Variants in INTS3 observed in about 807,000 individuals in gnomAD.
INTS3 encodes SOSS complex subunit A.
INTS3 carries 34 observed loss-of-function variants against 146.3 expected under a neutral mutation model. The ratio of observed to expected loss-of-function variants is 0.23; its 90% CI spans 0.18 to 0.31. INTS3 has a LOEUF of 0.31. Among genes scored for constraint, INTS3 ranks in the 10% least tolerant of loss-of-function variants. The pLI, the probability that INTS3 is intolerant of heterozygous loss-of-function variation, is 1.00. For missense variants in INTS3, 757 were observed against 1,304.2 expected, an observed-to-expected ratio of 0.58 and a Z score of 6.46; for synonymous variants, 475 against 494.9, an observed-to-expected ratio of 0.96 and a Z score of 0.53.
intron 1 of INTS3, among the ~76,000 whole-genome samples, chr1:153,737,648 G>A (rs555432347): frequency 1.3e-5 from 2 of 152,106 alleles, no homozygotes; most frequent in African/African-American, 2.4e-5. Context: ...ACAGGTGCGC[G>A]CCACCACACC....
chr1:153,768,108 C>G (rs1348823918), intron 21 of INTS3, among the ~76,000 whole-genome samples: 1 of 152,174 alleles, frequency 6.6e-6, no homozygotes, highest in Non-Finnish European at 1.5e-5. Context: ...TCATCTGGAC[C>G]CAGGACAGAT....
Position 153,728,115 on chromosome 1 carries a change from C to G in INTS3, c.-520C>G, listed in dbSNP as rs930219804. On this transcript the variant is annotated 5_prime_UTR_variant, in exon 1 of 30. Transcript: ENST00000318967. ...GTGGTGTGGGGAGACGCTGGTCCTC[C>G]CCGTCCTCCCATAGCGCTTATTGCC... 5 of 383,074 alleles carry G rather than the reference C, an allele frequency of 1.3e-5. No homozygotes were observed. Among genetic ancestry groups the G allele is most frequent in the East Asian group, 7.5e-5 (2 of 26,720 alleles). The allele number at this position is 383,074 out of a possible 1,614,324, so 23.7% of individuals were successfully genotyped here. A position where few individuals can be genotyped will look rare whatever the true frequency, so the allele number is the denominator to read the frequency against.
chr1:153,744,787 A>G (rs1166930668), intron 3 of INTS3, among the ~76,000 whole-genome samples: 2 of 152,204 alleles, frequency 1.3e-5, no homozygotes, highest in Non-Finnish European at 2.9e-5. Context: ...CTGTAATCCC[A>G]GTGTTTTGGG....
In INTS3 at chr1:153,728,736, G is replaced by A; in HGVS notation, c.102G>A (p.Gly34=). ...CGGGAGCAGGAGCCCCAGGAGGGGG[G>A]AGGCTGCTACTTTCAACCAGTTTGG... ...GGAGAGAPGG[G]RLLLSTSLDA... Residue 34 remains glycine, a synonymous_variant, in exon 1 of 30, where the codon GGG becomes GGA. Transcript: ENST00000318967. 1.9e-6 allele frequency: 3 copies of A among 1,610,556 alleles called. No homozygotes were observed. The highest frequency in any genetic ancestry group is 2.5e-6 in the Non-Finnish European group (3 of 1,178,306).
At chr1:153,736,726 G>A (rs1557988337) in intron 1 of INTS3, among the ~76,000 whole-genome samples, 1 of 148,052 alleles carries the variant, frequency 6.8e-6, no homozygotes, top group Non-Finnish European at 1.5e-5. Flanking sequence ...GATTACAGGC[G>A]TGAGCCACCG....
Position 153,772,731 on chromosome 1 carries a change from G to C in INTS3, c.2894+20G>C, listed in dbSNP as rs375226525. ...GATGAAGTGAGGCTCCTGCCACTTT[G>C]GGCCTTGGAAAGTAGTAGGGGAAAA... On this transcript the variant is annotated intron_variant, in intron 28 of 29. Transcript: ENST00000318967. The surrounding 1 kb of genome is among the most constrained non-coding windows in gnomAD (Gnocchi z 4.6). 4.3e-6 allele frequency: 7 copies of C among 1,611,428 alleles called. No individual in the cohort carries two copies. The African/African-American group carries it at 8.0e-5, about 18-fold the overall frequency.
At chr1:153,747,389 G>A in intron 5 of INTS3, 26 bp downstream of exon 5, 1 of 1,558,660 alleles carries the variant, frequency 6.4e-7, no homozygotes, top group Admixed American at 1.7e-5. Context: ...GGAGCATAAA[G>A]AAGAAAGGAG....
intron 10 of INTS3, among the ~76,000 whole-genome samples, chr1:153,758,934 C>T (rs1457503598): frequency 2.0e-5 from 3 of 152,066 alleles, no homozygotes; most frequent in Non-Finnish European, 4.4e-5. Flanking sequence ...ATGGCAAAAC[C>T]CATCTCTACC....
chr1:153,754,675 G>A lies in INTS3; in HGVS notation c.893G>A (p.Arg298Gln), dbSNP rs2101807937. The change falls in exon 9 of 30, where the codon CGA becomes CAA. Residue 298 changes from arginine (R) to glutamine (Q), a missense_variant. Physicochemically the swap from Arg to Gln is conservative, Grantham distance 43. Transcript: ENST00000318967. The stretch of plus-strand genomic sequence containing the variant: ...CAGCTTCTTCAGTCAAGAACATCCC[G>A]AAAATTCCTAGCATGTCGTCTAACC... ...ILQLLQSRTS[R>Q]KFLACRLTPD... 1 of 1,613,388 alleles carries A rather than the reference G, an allele frequency of 6.2e-7. No individual in the cohort carries two copies. The highest frequency in any genetic ancestry group is 8.5e-7 in the Non-Finnish European group (1 of 1,179,376).
chr1:153,764,108 C>T lies in INTS3; in HGVS notation c.1822-10C>T. On this transcript the variant is annotated splice_polypyrimidine_tract_variant and intron_variant, in intron 17 of 29. Coordinates refer to ENST00000318967, the MANE Select transcript of INTS3 (RefSeq NM_023015.5). ...GGTAGTGACTCTCCCTCCCTTGTCT[C>T]ATCACCCAGGAAGACTTTGACTCGG... 1 of 1,609,824 alleles carries T rather than the reference C, an allele frequency of 6.2e-7. No homozygotes were observed. The highest frequency in any genetic ancestry group is 8.5e-7 in the Non-Finnish European group (1 of 1,176,176).
intron 12 of INTS3, 97 bp downstream of exon 12, chr1:153,760,487 T>A: frequency 9.8e-7 from 1 of 1,023,482 alleles, no homozygotes; most frequent in Non-Finnish European, 1.5e-6. Context: ...TCGGTATGCC[T>A]TGACTGAGAG....
In INTS3 at chr1:153,767,854, C is replaced by T. The variant is rs756250798; in HGVS notation, c.2244+27C>T. On this transcript the variant is annotated intron_variant, in intron 21 of 29. Transcript: ENST00000318967. Reference sequence around the variant, plus strand: ...TCAGTGCCTGCATCCGTATCTGTGCCGGGGGGCTCACAGGAACACACCTCA... The same window carrying T: ...TCAGTGCCTGCATCCGTATCTGTGCTGGGGGGCTCACAGGAACACACCTCA... 52 of 1,574,606 alleles carry T rather than the reference C, an allele frequency of 3.3e-5. 1 individual carries two copies. Among genetic ancestry groups the T allele is most frequent in the Middle Eastern group, 3.4e-4 (2 of 5,960 alleles).
At chr1:153,729,144 G>T (rs370676811) in intron 1 of INTS3, among the ~76,000 whole-genome samples, 11 of 152,338 alleles carry the variant, frequency 7.2e-5, no homozygotes, top group African/African-American at 2.6e-4. Context: ...ATTGAGTTGA[G>T]ATGTAATGTA....
chr1:153,744,169 G>T (rs1210629960), intron 3 of INTS3, among the ~76,000 whole-genome samples: 3 of 151,874 alleles, frequency 2.0e-5, no homozygotes, highest in African/African-American at 7.3e-5. Flanking sequence ...GAAACTCTCG[G>T]TTCTCATTTG....
At chr1:153,763,407 G>C in intron 16 of INTS3, 45 bp downstream of exon 16, 2 of 1,609,420 alleles carry the variant, frequency 1.2e-6, no homozygotes, top group Admixed American at 1.7e-5. Flanking sequence ...TCAGCCCCAG[G>C]CTCTCTACCT....
At chr1:153,748,969 C>T (rs566475398) in intron 6 of INTS3, among the ~76,000 whole-genome samples, 2 of 152,228 alleles carry the variant, frequency 1.3e-5, no homozygotes, top group East Asian at 1.9e-4. Context: ...GCCAAAATAT[C>T]GCATAGCCCA....
At chr1:153,762,935 C>T in intron 15 of INTS3, 88 bp downstream of exon 15, 1 of 1,513,822 alleles carries the variant, frequency 6.6e-7, no homozygotes, top group Non-Finnish European at 9.0e-7. Flanking sequence ...CTCTTCCTGT[C>T]ACCCTTATTC....
Position 153,747,068 on chromosome 1 carries a change from C to A in INTS3, c.430C>A (p.Gln144Lys). The change falls in exon 4 of 30, where the codon CAG (glutamine) becomes AAG (lysine). Residue 144 changes from glutamine (Q) to lysine (K), a missense_variant and splice_region_variant. Around this residue, in one of 8 missense-constraint regions of INTS3, gnomAD observed 160 missense variants for 193.7 expected, o/e 0.83. Transcript: ENST00000318967. ...GAAGCTGCAGGATACCTGCCGTACT[C>A]AGGTAAGGCCAGAAAGAAAAGACAA... ...YLKLQDTCRT[Q>K]LVWLVRELVK... 1 of 1,589,452 alleles carries A rather than the reference C, an allele frequency of 6.3e-7. No homozygotes were observed. The highest frequency in any genetic ancestry group is 8.6e-7 in the Non-Finnish European group (1 of 1,157,782).
At chr1:153,745,281 C>T (rs1671685289) in intron 3 of INTS3, among the ~76,000 whole-genome samples, 1 of 151,808 alleles carries the variant, frequency 6.6e-6, no homozygotes, top group African/African-American at 2.4e-5. Flanking sequence ...CTCAGCCTCC[C>T]TTGTAGTTGG....
Sources: allele counts gnomAD v4.1 joint callset (sites outside exome capture counted in the v4.1 genomes callset), GRCh38; gene constraint gnomAD v4.1.1; regional missense constraint gnomAD v4.1.1; non-coding constraint Gnocchi (gnomAD v3.1); transcripts MANE v1.5; gene names NCBI Gene and HGNC (gene_info 2026-07-23, HGNC 2026-07-21).